The following SGCZ variants were observed in gnomAD, a reference collection of about 807,000 sequenced individuals.
SGCZ encodes the protein zeta-sarcoglycan.
SGCZ carries 40 observed loss-of-function variants against 41.3 expected under a neutral mutation model. The ratio of observed to expected loss-of-function variants is 0.97; its 90% CI spans 0.75 to 1.26. The LOEUF (loss-of-function observed/expected upper bound fraction) is 1.26. Ranked by LOEUF, SGCZ falls within the 50% of genes most tolerant of loss-of-function variation. The probability of loss-of-function intolerance (pLI) is 0.00; values close to 1 mark genes in which losing one functional copy is unlikely to be tolerated. For missense variants in SGCZ, 552 were observed against 369.8 expected, an observed-to-expected ratio of 1.49 and a Z score of -4.04; for synonymous variants, 206 against 137.5, an observed-to-expected ratio of 1.50 and a Z score of -3.49.
chr8:15,222,263 C>A (rs1248489054), intron 1 of SGCZ, among the ~76,000 whole-genome samples: 1 of 151,990 alleles, frequency 6.6e-6, no homozygotes, highest in Non-Finnish European at 1.5e-5. Flanking sequence ...ATCCATATTC[C>A]AGGGAGAGAG....
chr8:14,659,073 A>C (rs1347988076), intron 1 of SGCZ, among the ~76,000 whole-genome samples: 1 of 152,142 alleles, frequency 6.6e-6, no homozygotes, highest in African/African-American at 2.4e-5. Flanking sequence ...GGTATATTTT[A>C]TTAAATACTC....
chr8:14,921,313 G>T (rs1438583890), intron 1 of SGCZ, among the ~76,000 whole-genome samples: 1 of 152,102 alleles, frequency 6.6e-6, no homozygotes, highest in South Asian at 2.1e-4. Flanking sequence ...ATAGTGGTTA[G>T]ATTTTGAACC....
At chr8:14,792,707 C>T (rs935857928) in intron 1 of SGCZ, among the ~76,000 whole-genome samples, 1 of 152,094 alleles carries the variant, frequency 6.6e-6, no homozygotes, top group Admixed American at 6.6e-5. Flanking sequence ...CCTAATGCAT[C>T]TTTCAACAGA....
chr8:14,536,134 T>C (rs1433881348), intron 2 of SGCZ, among the ~76,000 whole-genome samples: 1 of 151,904 alleles, frequency 6.6e-6, no homozygotes, highest in Admixed American at 6.6e-5. Flanking sequence ...GTTTAGCATA[T>C]ACATATGAAA....
intron 2 of SGCZ, among the ~76,000 whole-genome samples, chr8:14,384,952 G>C (rs545874688): frequency 6.6e-6 from 1 of 152,292 alleles, no homozygotes; most frequent in South Asian, 2.1e-4. Context: ...GAGGACTTGT[G>C]CTGGCAAAAA....
intron 4 of SGCZ, among the ~76,000 whole-genome samples, chr8:14,167,242 G>C (rs1051698124): frequency 6.6e-6 from 1 of 152,098 alleles, no homozygotes; most frequent in Non-Finnish European, 1.5e-5. Flanking sequence ...TTACTTATCT[G>C]TTTTTCATGT....
intron 1 of SGCZ, among the ~76,000 whole-genome samples, chr8:14,917,875 T>C (rs890120127): frequency 6.6e-6 from 1 of 152,180 alleles, no homozygotes; most frequent in African/African-American, 2.4e-5. Context: ...TGATAATGCA[T>C]AATATTTGAC....
chr8:15,099,361 T>C (rs895888873), intron 1 of SGCZ, among the ~76,000 whole-genome samples: 6 of 152,140 alleles, frequency 3.9e-5, no homozygotes, highest in African/African-American at 1.4e-4. Context: ...TATATGCCCA[T>C]AAACTCGATA....
intron 1 of SGCZ, among the ~76,000 whole-genome samples, chr8:15,160,491 G>A (rs529681540): frequency 2.8e-4 from 43 of 152,280 alleles, no homozygotes; most frequent in African/African-American, 9.1e-4. Flanking sequence ...GTCCACTAGT[G>A]TAGATGGACC....
chr8:14,710,127 G>A (rs1809466224), intron 1 of SGCZ, among the ~76,000 whole-genome samples: 1 of 152,116 alleles, frequency 6.6e-6, no homozygotes, highest in East Asian at 1.9e-4. Flanking sequence ...AGCACTCTGG[G>A]AGGCCGAGGA....
intron 1 of SGCZ, among the ~76,000 whole-genome samples, chr8:14,727,214 A>C (rs1339428626): frequency 6.6e-6 from 1 of 152,178 alleles, no homozygotes; most frequent in Non-Finnish European, 1.5e-5. Context: ...CAATAATCTC[A>C]GGAAAAGAAT....
intron 1 of SGCZ, among the ~76,000 whole-genome samples, chr8:15,096,481 C>G (rs1318306392): frequency 6.6e-6 from 1 of 152,044 alleles, no homozygotes; most frequent in African/African-American, 2.4e-5. Flanking sequence ...GAAAAGGAGG[C>G]TTTATCGACA....
intron 1 of SGCZ, among the ~76,000 whole-genome samples, chr8:14,656,254 A>C (rs1475150166): frequency 6.6e-6 from 1 of 152,028 alleles, no homozygotes; most frequent in Non-Finnish European, 1.5e-5. Context: ...CACCAGAATT[A>C]TATATGTTGA....
intron 1 of SGCZ, among the ~76,000 whole-genome samples, chr8:14,711,505 C>T (rs1328432761): frequency 2.1e-5 from 3 of 145,396 alleles, no homozygotes; most frequent in Middle Eastern, 3.8e-3. Flanking sequence ...AGAAGGCTGA[C>T]GCAGGAGAAT....
rs1840354 is a variant in SGCZ at position 15,084,727 on chromosome 8, G to T, written c.39+152858C>A. 6.0e-3 allele frequency among the ~76,000 whole-genome samples: 913 copies of T among 152,076 alleles called. 11 individuals are homozygous for T. Among genetic ancestry groups the T allele is most frequent in the African/African-American group, 0.02 (847 of 41,454 alleles). ...AGATCATGCCACTGCCCTCCAGCCT[G>T]GGCAATGGAGTGAGACTCCATCTCA... On this transcript the variant is annotated intron_variant, in intron 1 of 7. Coordinates refer to ENST00000382080, the MANE Select transcript of SGCZ (RefSeq NM_139167.4).
intron 1 of SGCZ, among the ~76,000 whole-genome samples, chr8:14,760,685 C>T (rs1799837473): frequency 6.6e-6 from 1 of 152,172 alleles, no homozygotes; most frequent in Non-Finnish European, 1.5e-5. Context: ...CTCCTATATT[C>T]TGTGAAAAGA....
chr8:14,682,734 C>A (rs1808490219), intron 1 of SGCZ, among the ~76,000 whole-genome samples: 1 of 152,142 alleles, frequency 6.6e-6, no homozygotes, highest in African/African-American at 2.4e-5. Context: ...ATAAACCATG[C>A]ACATAACTTA....
At chr8:14,179,574 C>G (rs1461438610) in intron 4 of SGCZ, among the ~76,000 whole-genome samples, 1 of 152,114 alleles carries the variant, frequency 6.6e-6, no homozygotes, top group African/African-American at 2.4e-5. Context: ...ATGCTAACCT[C>G]AGAGTCTCTT....
intron 5 of SGCZ, among the ~76,000 whole-genome samples, chr8:14,148,386 T>G (rs2116944501): frequency 6.6e-6 from 1 of 152,084 alleles, no homozygotes; most frequent in South Asian, 2.1e-4. Flanking sequence ...AAAACGTCAT[T>G]AGTAGTTACT....
Sources: allele counts gnomAD v4.1 joint callset (sites outside exome capture counted in the v4.1 genomes callset), GRCh38; gene constraint gnomAD v4.1.1; transcripts MANE v1.5; gene names NCBI Gene and HGNC (gene_info 2026-07-23, HGNC 2026-07-21).